Variants in CUL7 observed in about 807,000 individuals in gnomAD.
The protein encoded by CUL7 is cullin-7.
Under a neutral mutation model 177.7 loss-of-function variants are expected in CUL7, and 96 were observed. The ratio of observed to expected loss-of-function variants is 0.54; its 90% confidence interval spans 0.46 to 0.64. The LOEUF (loss-of-function observed/expected upper bound fraction) is 0.64. Among genes scored for constraint, CUL7 ranks in the 30% least tolerant of loss-of-function variants. CUL7 has a pLI of 0.00. For missense variants in CUL7, 1,893 were observed against 2,187.9 expected, an observed-to-expected ratio of 0.87 and a Z score of 2.69; for synonymous variants, 824 against 890.2, an observed-to-expected ratio of 0.93 and a Z score of 1.32.
At position 43,040,954 on chromosome 6, in the gene CUL7, G is replaced by T; in HGVS notation, c.3767C>A (p.Ser1256Tyr). The T allele has an allele frequency of 6.2e-7, 1 of 1,613,388 alleles. No homozygotes were observed. The highest frequency in any genetic ancestry group is 2.2e-5 in the East Asian group (1 of 44,882). The change falls in exon 20 of 26, where the codon TCC (serine) becomes TAC (tyrosine). Residue 1256 changes from serine (S) to tyrosine (Y), a missense_variant. By Grantham distance (144) the Ser-to-Tyr change is moderately radical. This residue lies in a region of CUL7 where 973 missense variants were observed against 1,140.9 expected (regional missense o/e 0.85). Coordinates refer to ENST00000265348, the MANE Select transcript of CUL7 (RefSeq NM_014780.5). The surrounding 1 kb of genome is among the most constrained non-coding windows in gnomAD (Gnocchi z 4.2). ...QQCLQAVLIF[S>Y]GLEIATTFEH... ...AAAAGTGGTGGCTATCTCCAAGCCG[G>T]AGAAAATCAGGACAGCTTGCAGGCA...
intron 16 of CUL7, among the ~76,000 whole-genome samples, chr6:43,044,050 C>T (rs1292978137): frequency 3.3e-5 from 5 of 151,240 alleles, no homozygotes; most frequent in Non-Finnish European, 2.9e-5. Context: ...GGGTCAGGCG[C>T]GGTGGCTCAT....
chr6:43,042,081 GGGAGGGAGAGAA>G (rs1365990933), intron 19 of CUL7, among the ~76,000 whole-genome samples: 17 of 149,202 alleles, frequency 1.1e-4, no homozygotes, highest in Admixed American at 4.0e-4. Context: ...GAAGGAGGGA[GGGAGGGAGAGAA>G]GGAGGGAGGG....
At position 43,053,381 on chromosome 6, in the gene CUL7, G is replaced by C. The variant is rs978514470; in HGVS notation, c.-9+241C>G. Among the ~76,000 whole-genome samples the C allele has an allele frequency of 6.6e-6, 1 of 152,192 alleles. No homozygotes were observed. Among genetic ancestry groups the C allele is most frequent in the African/African-American group, 2.4e-5 (1 of 41,444 alleles). Reference sequence around the variant, plus strand: ...TGGAGCAACTGGAACAAGAGGGCTGGTGAGGGCGCCGCGAGACCCAGGGCA... The same window carrying C: ...TGGAGCAACTGGAACAAGAGGGCTGCTGAGGGCGCCGCGAGACCCAGGGCA... On this transcript the variant is annotated intron_variant, in intron 1 of 25. Transcript: ENST00000265348. This position sits in a 1 kb window ranked among gnomAD's most constrained non-coding sequence, Gnocchi z 4.1.
rs755420674 is a variant in CUL7, at chr6:43,041,041, T to C, written c.3680A>G (p.Gln1227Arg). 6.2e-7 allele frequency: 1 copy of C among 1,614,074 alleles called. No individual in the cohort carries two copies. Among genetic ancestry groups the C allele is most frequent in the Non-Finnish European group, 8.5e-7 (1 of 1,179,992 alleles). The change falls in exon 20 of 26, where the codon CAG becomes CGG. Residue 1227 changes from glutamine (Q) to arginine (R), a missense_variant. Around this residue, in one of 5 missense-constraint regions of CUL7, gnomAD observed 973 missense variants for 1,140.9 expected, o/e 0.85. Coordinates refer to ENST00000265348, the MANE Select transcript of CUL7 (RefSeq NM_014780.5). ...TCCACCGATCCGGCTGCCCTGGATC[T>C]GCTGGTCAATGTGCCGGGCGAACTG... Reference protein sequence around the residue: ...SEQFARHIDQQIQGSRIGGAQ... With the variant: ...SEQFARHIDQRIQGSRIGGAQ...
Position 43,040,129 on chromosome 6 carries a change from C to T in CUL7, c.4294+27G>A, listed in dbSNP as rs747246411. 6.2e-7 allele frequency: 1 copy of T among 1,613,936 alleles called. No individual in the cohort carries two copies. Among genetic ancestry groups the T allele is most frequent in the South Asian group, 1.1e-5 (1 of 91,006 alleles). ...CCTAGCAGCCCACCCTCTCCCCAGT[C>T]CCCAGTCCCTCTGCCTGGCTGCTCA... On this transcript the variant is annotated intron_variant, in intron 22 of 25. Transcript: ENST00000265348. The surrounding 1 kb of genome is among the most constrained non-coding windows in gnomAD (Gnocchi z 4.2).
chr6:43,039,220 G>C (rs1763205718), intron 22 of CUL7, among the ~76,000 whole-genome samples: 1 of 152,208 alleles, frequency 6.6e-6, no homozygotes. Flanking sequence ...GTGCCAAGCA[G>C]GTTCTCATCA....
At chr6:43,039,108 T>C in intron 22 of CUL7, 121 bp from the exon 23 acceptor site, 1 of 707,690 alleles carries the variant, frequency 1.4e-6, no homozygotes, top group South Asian at 1.6e-5. Flanking sequence ...CCAGCATTTA[T>C]GGACACTGGG....
chr6:43,049,321 A>G (rs1016470742), intron 7 of CUL7, 86 bp downstream of exon 7: 9 of 1,576,576 alleles, frequency 5.7e-6, no homozygotes, highest in Non-Finnish European at 7.8e-6. Flanking sequence ...ACTTCCAGAA[A>G]GGATTGCATA....
At position 43,050,524 on chromosome 6, in the gene CUL7, T is replaced by G. The variant is rs916761780; in HGVS notation, c.1234-126A>C. 5 of 764,424 alleles carry G rather than the reference T, an allele frequency of 6.5e-6. No homozygotes were observed. Among genetic ancestry groups the G allele is most frequent in the Non-Finnish European group, 1.1e-5 (5 of 462,998 alleles). 47.4% of individuals were successfully genotyped at this position (764,424 alleles called of 1,614,324 possible). A position where few individuals can be genotyped will look rare whatever the true frequency, so the allele number is the denominator to read the frequency against. On this transcript the variant is annotated intron_variant, in intron 4 of 25. Transcript: ENST00000265348. The surrounding 1 kb of genome is among the most constrained non-coding windows in gnomAD (Gnocchi z 4.1). ...GCCAGGTTTTAGAAAAACCTCCACATAACAAAACAGCAGCATATGGAGAAT... is the reference window on the plus strand; with the variant it reads ...GCCAGGTTTTAGAAAAACCTCCACAGAACAAAACAGCAGCATATGGAGAAT...
Position 43,053,266 on chromosome 6 carries a change from A to G in CUL7, c.-9+356T>C, listed in dbSNP as rs1429790996. ...CAAGTTAAGAGTCCCGAGATCGCAG[A>G]GTTAAGAGACCTGAGAACTGGTGGT... On this transcript the variant is annotated intron_variant, in intron 1 of 25. Transcript: ENST00000265348. This position sits in a 1 kb window ranked among gnomAD's most constrained non-coding sequence, Gnocchi z 4.1. Among the ~76,000 whole-genome samples the G allele has an allele frequency of 1.3e-5, 2 of 152,054 alleles. No individual in the cohort carries two copies. The highest frequency in any genetic ancestry group is 2.9e-5 in the Non-Finnish European group (2 of 68,012).
At position 43,053,529 on chromosome 6, in the gene CUL7, G is replaced by C; in HGVS notation, c.-9+93C>G. The C allele has an allele frequency of 3.5e-6, 3 of 859,312 alleles. No individual in the cohort carries two copies. The highest frequency in any genetic ancestry group is 4.8e-6 in the Non-Finnish European group (3 of 628,854). The allele number at this position is 859,312 out of a possible 1,614,324, so 53.2% of individuals were successfully genotyped here. On this transcript the variant is annotated intron_variant, in intron 1 of 25. Transcript: ENST00000265348. The surrounding 1 kb of genome is among the most constrained non-coding windows in gnomAD (Gnocchi z 4.1). ...CCATAAGCTAGAACCCCGAGGCACG[G>C]TAGGATGGGGACCGAGGTTGGGTGA...
rs1764644998 is a variant in CUL7 at position 43,053,601 on chromosome 6, C to T, written c.-9+21G>A. On this transcript the variant is annotated intron_variant, in intron 1 of 25. Transcript: ENST00000265348. This position sits in a 1 kb window ranked among gnomAD's most constrained non-coding sequence, Gnocchi z 4.1. ...TGGGCAGGGAAGGAGAAGCAAGGGG[C>T]CGCGGTGGGGCTCTGGCCACCTCAG... 2 of 1,336,774 alleles carry T rather than the reference C, an allele frequency of 1.5e-6. No homozygotes were observed. The highest frequency in any genetic ancestry group is 3.0e-5 in the East Asian group (1 of 33,514). The allele number at this position is 1,336,774 out of a possible 1,614,324, so 82.8% of individuals were successfully genotyped here.
At chr6:43,048,659 A>G in intron 7 of CUL7, 90 bp from the exon 8 acceptor site, 8 of 925,564 alleles carry the variant, frequency 8.6e-6, no homozygotes, top group Non-Finnish European at 1.3e-5. Flanking sequence ...TTTTTCTCTA[A>G]TTTCTCCTAA....
rs868474214 is a variant in CUL7, at chr6:43,040,696, C to T, written c.3857G>A (p.Gly1286Glu). ...LLGVVSSWLE[G>E]AVLEQIGPCF... The stretch of plus-strand genomic sequence containing the variant: ...GGGACCGATCTGCTCCAGCACGGCC[C>T]CCTCCAGCCAGCTCGAGACCACGCC... The change falls in exon 21 of 26, where the codon GGG (glycine) becomes GAG (glutamate). Residue 1286 changes from glycine to glutamate, a missense_variant. Physicochemically the swap from Gly to Glu is moderately conservative, Grantham distance 98. This residue lies in a region of CUL7 where 973 missense variants were observed against 1,140.9 expected (regional missense o/e 0.85). Transcript: ENST00000265348. The surrounding 1 kb of genome is among the most constrained non-coding windows in gnomAD (Gnocchi z 4.2). 1 of 1,614,154 alleles carries T rather than the reference C, an allele frequency of 6.2e-7. No homozygotes were observed. The highest frequency in any genetic ancestry group is 1.7e-4 in the Middle Eastern group (1 of 6,058).
At chr6:43,044,726 A>G in intron 16 of CUL7, 26 bp downstream of exon 16, 1 of 1,595,098 alleles carries the variant, frequency 6.3e-7, no homozygotes, top group Non-Finnish European at 8.6e-7. Flanking sequence ...TGAGATAGTA[A>G]TGGGTCCAGA....
Position 43,046,725 on chromosome 6 carries a change from G to C in CUL7, c.2398-124C>G, listed in dbSNP as rs1288314169. The stretch of plus-strand genomic sequence containing the variant: ...CTTCCTCTACAGCACCAGCAGAGCA[G>C]GCCCAGATGGGGCAGAGGGGAAGGG... On this transcript the variant is annotated intron_variant, in intron 10 of 25. Coordinates refer to ENST00000265348, the MANE Select transcript of CUL7 (RefSeq NM_014780.5). 6 of 1,440,572 alleles carry C rather than the reference G, an allele frequency of 4.2e-6. No individual in the cohort carries two copies. The African/African-American group carries it at 8.4e-5, about 20-fold the overall frequency. 89.2% of individuals were successfully genotyped at this position (1,440,572 alleles called of 1,614,324 possible).
intron 12 of CUL7, 51 bp downstream of exon 12, chr6:43,046,185 C>T (rs781008010): frequency 5.1e-5 from 83 of 1,613,360 alleles, no homozygotes; most frequent in Middle Eastern, 1.6e-4. Context: ...AACACAGGGG[C>T]GTCACAGGAA....
Position 43,052,521 on chromosome 6 carries a change from C to T in CUL7, c.268G>A (p.Gly90Arg), listed in dbSNP as rs370127154. The T allele has an allele frequency of 1.2e-5, 20 of 1,614,198 alleles. No homozygotes were observed. Among genetic ancestry groups the T allele is most frequent in the Admixed American group, 5.0e-5 (3 of 60,028 alleles). ...KMLGEDGQVI[G>R]PSQESAGEVG... is the part of the protein sequence containing the mutation. ...TCCCCTGCAGACTCCTGGGAGGGCCCGATGACCTGGCCATCCTCGCCCAGC... is the reference window on the plus strand; with the variant it reads ...TCCCCTGCAGACTCCTGGGAGGGCCTGATGACCTGGCCATCCTCGCCCAGC... Residue 90 changes from glycine (G) to arginine (R), a missense_variant, in exon 2 of 26, where the codon GGG becomes AGG. Gly to Arg is a moderately radical substitution (Grantham distance 125). Transcript: ENST00000265348. The surrounding 1 kb of genome is among the most constrained non-coding windows in gnomAD (Gnocchi z 4.5).
chr6:43,046,863 C>T lies in CUL7; in HGVS notation c.2397+17G>A. 2.0e-6 allele frequency: 3 copies of T among 1,493,978 alleles called. No individual in the cohort carries two copies. The highest frequency in any genetic ancestry group is 1.9e-6 in the Non-Finnish European group (2 of 1,070,428). 92.5% of individuals were successfully genotyped at this position (1,493,978 alleles called of 1,614,324 possible). A position where few individuals can be genotyped will look rare whatever the true frequency, so the allele number is the denominator to read the frequency against. On this transcript the variant is annotated intron_variant, in intron 10 of 25. Coordinates refer to ENST00000265348, the MANE Select transcript of CUL7 (RefSeq NM_014780.5). ...TCTGATGCCACTCTAAGCCCACAAG[C>T]TCCCCTTCCTCCTGACCTGGATGCA...
Sources: allele counts gnomAD v4.1 joint callset (sites outside exome capture counted in the v4.1 genomes callset), GRCh38; gene constraint gnomAD v4.1.1; regional missense constraint gnomAD v4.1.1; non-coding constraint Gnocchi (gnomAD v3.1); transcripts MANE v1.5; gene names NCBI Gene and HGNC (gene_info 2026-07-23, HGNC 2026-07-21).